Variants in SPATA31H1 observed in about 807,000 individuals in gnomAD.
SPATA31H1 encodes the protein SPATA31 subfamily H member 1, also known as spermatogenesis-associated protein 31H1.
chr2:27,566,950 G>A, the SPATA31H1 span: 9 of 717,452 alleles, frequency 1.3e-5, no homozygotes, highest in South Asian at 4.4e-5. Context: ...TGGGAATTCC[G>A]GAGCCATAGT....
At chr2:27,548,646 A>G in the SPATA31H1 span, among the ~76,000 whole-genome samples, 4 of 151,502 alleles carry the variant, frequency 2.6e-5, no homozygotes, top group Admixed American at 2.0e-4. Flanking sequence ...CCTAAGTGAT[A>G]TAAATTATTA....
At chr2:27,580,748 A>G in the SPATA31H1 span, 1 of 1,614,222 alleles carries the variant, frequency 6.2e-7, no homozygotes, top group Non-Finnish European at 8.5e-7. Flanking sequence ...ACTATTATCC[A>G]AAACAAAATG....
At chr2:27,570,481 A>G in the SPATA31H1 span, 74 of 398,936 alleles carry the variant, frequency 1.9e-4, no homozygotes, top group African/African-American at 1.4e-3. Context: ...AATTTTGTAG[A>G]GGTGGTTCCA....
chr2:27,576,403 C>A, the SPATA31H1 span: 2 of 580,356 alleles, frequency 3.4e-6, no homozygotes, highest in Admixed American at 3.2e-5. Context: ...AATGTGAGAT[C>A]TGTGGTATTT....
the SPATA31H1 span, chr2:27,565,507 A>G: frequency 1.5e-6 from 1 of 683,930 alleles, no homozygotes. Context: ...AAATGGAAGA[A>G]GTGTGCCTCT....
chr2:27,570,439 A>C, the SPATA31H1 span: 6 of 398,850 alleles, frequency 1.5e-5, no homozygotes, highest in Non-Finnish European at 2.7e-5. Context: ...AATTCTGCGG[A>C]TCAAACTCCA....
At chr2:27,560,538 A>G in the SPATA31H1 span, among the ~76,000 whole-genome samples, 4 of 151,588 alleles carry the variant, frequency 2.6e-5, no homozygotes, top group Non-Finnish European at 5.9e-5. Context: ...GCTCACTGCA[A>G]GCTCAGCCTC....
chr2:27,547,979 C>CTTTTTTTT, the SPATA31H1 span, among the ~76,000 whole-genome samples: 1 of 113,268 alleles, frequency 8.8e-6, no homozygotes, highest in African/African-American at 3.3e-5. Context: ...ATAGTAATTT[C>CTTTTTTTT]TTTTTTTTTT....
chr2:27,565,970 A>G, the SPATA31H1 span: 1 of 709,626 alleles, frequency 1.4e-6, no homozygotes, highest in South Asian at 1.5e-5. Context: ...TATTTGCAAA[A>G]AGAGGGGGTT....
the SPATA31H1 span, chr2:27,581,045 T>A: frequency 6.2e-7 from 1 of 1,614,092 alleles, no homozygotes; most frequent in Non-Finnish European, 8.5e-7. Context: ...AAAACTTCTA[T>A]AGAAATGAAA....
chr2:27,553,676 C>G, the SPATA31H1 span, among the ~76,000 whole-genome samples: 1 of 151,948 alleles, frequency 6.6e-6, no homozygotes. Flanking sequence ...AATCCCAGCA[C>G]TTTGGGAGGC....
At chr2:27,578,514 G>A in the SPATA31H1 span, 6 of 1,614,072 alleles carry the variant, frequency 3.7e-6, no homozygotes, top group East Asian at 1.3e-4. Context: ...AGTACCTGCA[G>A]AATTAACTCC....
the SPATA31H1 span, chr2:27,581,977 C>T: frequency 1.2e-6 from 2 of 1,613,786 alleles, no homozygotes; most frequent in Non-Finnish European, 8.5e-7. Context: ...CACAGTCCCT[C>T]TGAGAGAAGA....
the SPATA31H1 span, among the ~76,000 whole-genome samples, chr2:27,541,215 C>G: frequency 6.6e-6 from 1 of 151,790 alleles, no homozygotes; most frequent in African/African-American, 2.4e-5. Flanking sequence ...AGCAAAACCC[C>G]GTCTCCACCA....
the SPATA31H1 span, among the ~76,000 whole-genome samples, chr2:27,540,298 G>T: frequency 7.7e-6 from 1 of 130,552 alleles, no homozygotes; most frequent in South Asian, 2.7e-4. Flanking sequence ...TCCCGGACGG[G>T]GCGGCTGGCC....
At chr2:27,537,609 G>T in the SPATA31H1 span, 1 of 708,952 alleles carries the variant, frequency 1.4e-6, no homozygotes. Context: ...AACTGGTCCC[G>T]CTCCTGAGGC....
the SPATA31H1 span, among the ~76,000 whole-genome samples, chr2:27,560,998 T>C: frequency 6.6e-6 from 1 of 152,162 alleles, no homozygotes; most frequent in African/African-American, 2.4e-5. Flanking sequence ...AGTGGTAGAT[T>C]TGTCATTTTG....
the SPATA31H1 span, among the ~76,000 whole-genome samples, chr2:27,563,653 A>G: frequency 6.6e-6 from 1 of 150,444 alleles, no homozygotes; most frequent in Non-Finnish European, 1.5e-5. Flanking sequence ...TCCACCTTCC[A>G]AGTTGAAGTA....
At chr2:27,578,242 G>C in the SPATA31H1 span, 18 of 1,613,928 alleles carry the variant, frequency 1.1e-5, no homozygotes, top group East Asian at 4.0e-4. Flanking sequence ...CACCACACAG[G>C]GCCATGTTTG....
Sources: allele counts gnomAD v4.1 joint callset (sites outside exome capture counted in the v4.1 genomes callset), GRCh38; gene constraint gnomAD v4.1.1; transcripts MANE v1.5; gene names NCBI Gene and HGNC (gene_info 2026-07-23, HGNC 2026-07-21).